LRRIQ3: variants seen among roughly 807,000 people sequenced by gnomAD.
LRRIQ3 encodes leucine-rich repeat and IQ domain-containing protein 3.
Under a neutral mutation model 59.3 loss-of-function variants are expected in LRRIQ3, and 75 were observed. The observed-to-expected ratio is 1.26, with a 90% CI of 1.05 to 1.53. LRRIQ3 has a LOEUF of 1.53. Ranked by LOEUF, LRRIQ3 falls within the 40% of genes most tolerant of loss-of-function variation. The pLI is 0.00. For missense variants in LRRIQ3, 831 were observed against 710.0 expected (o/e 1.17, Z -1.94); for synonymous variants, 250 against 231.3 (o/e 1.08, Z -0.73).
chr1:74,177,239 C>T (rs1649697541), intron 3 of LRRIQ3, among the ~76,000 whole-genome samples: 1 of 152,010 alleles, frequency 6.6e-6, no homozygotes, highest in Non-Finnish European at 1.5e-5. Flanking sequence ...TAGGCTGGCA[C>T]TGGGGAAATG....
chr1:74,195,355 A>T lies in LRRIQ3; in HGVS notation c.-1+2641T>A, dbSNP rs367661969. 3.3e-5 allele frequency among the ~76,000 whole-genome samples: 5 copies of T among 152,286 alleles called. No homozygotes were observed. The East Asian group carries it at 9.7e-4, about 29-fold the overall frequency. Reference sequence around the variant, plus strand: ...TCCACAGTATATAATCCAGGACCCTATTCATTTGGCTTCAACTTCCTCATA... The same window carrying T: ...TCCACAGTATATAATCCAGGACCCTTTTCATTTGGCTTCAACTTCCTCATA... On this transcript the variant is annotated intron_variant, in intron 1 of 7. Transcript: ENST00000354431.
At chr1:74,154,144 G>C (rs1304917477) in intron 4 of LRRIQ3, among the ~76,000 whole-genome samples, 1 of 148,966 alleles carries the variant, frequency 6.7e-6, no homozygotes, top group African/African-American at 2.5e-5. Flanking sequence ...GGGAGGCTGA[G>C]GCAGGAGAAT....
intron 4 of LRRIQ3, among the ~76,000 whole-genome samples, chr1:74,128,197 C>A (rs1156279389): frequency 6.6e-6 from 1 of 151,938 alleles, no homozygotes; most frequent in Non-Finnish European, 1.5e-5. Context: ...TTGAGGTTGG[C>A]TTCTTTGGGT....
At chr1:74,119,390 C>A (rs550897027) in intron 4 of LRRIQ3, among the ~76,000 whole-genome samples, 60 of 152,064 alleles carry the variant, frequency 3.9e-4, no homozygotes, top group African/African-American at 1.3e-3. Flanking sequence ...TTTTCTGACT[C>A]ATTTTTCTTT....
intron 6 of LRRIQ3, among the ~76,000 whole-genome samples, chr1:74,051,357 A>T (rs1262589643): frequency 6.6e-6 from 1 of 152,180 alleles, no homozygotes; most frequent in African/African-American, 2.4e-5. Context: ...GCTGCTTACA[A>T]ATAGTATCCA....
intron 7 of LRRIQ3, among the ~76,000 whole-genome samples, chr1:74,038,472 C>T (rs115784519): frequency 3.9e-5 from 6 of 152,182 alleles, no homozygotes; most frequent in South Asian, 2.1e-4. Context: ...CAAAGTGCTT[C>T]GCTAAACAGG....
At chr1:74,096,085 C>CTATA (rs1193512461) in intron 5 of LRRIQ3, among the ~76,000 whole-genome samples, 2 of 151,822 alleles carry the variant, frequency 1.3e-5, no homozygotes, top group Non-Finnish European at 2.9e-5. Flanking sequence ...TAAAACAGAA[C>CTATA]TATATTTCAA....
chr1:74,039,162 C>T (rs1031374542), intron 7 of LRRIQ3, among the ~76,000 whole-genome samples: 6 of 151,994 alleles, frequency 3.9e-5, no homozygotes, highest in Admixed American at 1.3e-4. Flanking sequence ...AAACATAGGA[C>T]GAGAACTTAG....
chr1:74,091,196 G>T (rs192725642), intron 5 of LRRIQ3, among the ~76,000 whole-genome samples: 2 of 152,082 alleles, frequency 1.3e-5, no homozygotes, highest in Admixed American at 6.6e-5. Flanking sequence ...AGTAAACATG[G>T]AATAAAACAG....
chr1:74,124,145 T>A (rs956016621), intron 4 of LRRIQ3, among the ~76,000 whole-genome samples: 3 of 152,012 alleles, frequency 2.0e-5, no homozygotes, highest in African/African-American at 7.2e-5. Context: ...ATATATATGT[T>A]TTCCATGTAT....
intron 1 of LRRIQ3, among the ~76,000 whole-genome samples, chr1:74,186,760 C>G (rs537131961): frequency 1.3e-5 from 2 of 151,856 alleles, no homozygotes; most frequent in African/African-American, 4.8e-5. Context: ...TTTTGTACAA[C>G]AGTTTACTTT....
At chr1:74,108,874 T>C (rs746634715) in intron 5 of LRRIQ3, 1 of 384,626 alleles carries the variant, frequency 2.6e-6, no homozygotes. Context: ...CAAAATGAGA[T>C]AAAAAATATC....
intron 5 of LRRIQ3, chr1:74,082,596 G>A (rs1444417073): frequency 6.6e-6 from 1 of 151,478 alleles, no homozygotes; most frequent in Non-Finnish European, 1.5e-5. Context: ...ACGGGGACTT[G>A]CCAATATTTT....
At chr1:74,134,473 T>C (rs1159250836) in intron 4 of LRRIQ3, among the ~76,000 whole-genome samples, 2 of 151,908 alleles carry the variant, frequency 1.3e-5, no homozygotes, top group African/African-American at 4.8e-5. Context: ...GTAATAGAAA[T>C]TATAAATACA....
At chr1:74,067,692 C>T (rs1050823872) in intron 6 of LRRIQ3, among the ~76,000 whole-genome samples, 1 of 151,978 alleles carries the variant, frequency 6.6e-6, no homozygotes, top group Non-Finnish European at 1.5e-5. Context: ...ACAATTCACT[C>T]TCTAGCAATT....
At chr1:74,082,072 T>C (rs994263566) in intron 5 of LRRIQ3, 2 of 151,630 alleles carry the variant, frequency 1.3e-5, no homozygotes, top group Admixed American at 6.6e-5. Flanking sequence ...TCAACAACTA[T>C]GTATTGAATG....
chr1:74,100,038 T>C (rs868170741), intron 5 of LRRIQ3, among the ~76,000 whole-genome samples: 28 of 152,210 alleles, frequency 1.8e-4, no homozygotes, highest in Middle Eastern at 3.4e-3. Flanking sequence ...TTCAACATAG[T>C]GTTGGAAGTT....
intron 4 of LRRIQ3, among the ~76,000 whole-genome samples, chr1:74,145,701 A>T (rs1346234861): frequency 6.6e-6 from 1 of 152,048 alleles, no homozygotes; most frequent in Non-Finnish European, 1.5e-5. Context: ...AATATAATGA[A>T]TTACTAATTT....
intron 1 of LRRIQ3, among the ~76,000 whole-genome samples, chr1:74,192,250 T>C (rs892792002): frequency 6.6e-6 from 1 of 152,106 alleles, no homozygotes; most frequent in Non-Finnish European, 1.5e-5. Flanking sequence ...TTTCCAACTT[T>C]TATTTTAGAA....
Sources: gnomAD v4.1 joint callset for allele counts (sites outside exome capture counted in the v4.1 genomes callset) on GRCh38, gnomAD v4.1.1 for gene constraint, MANE v1.5 for transcripts, NCBI Gene and HGNC (gene_info 2026-07-23, HGNC 2026-07-21) for gene names.